The following GRIK2 variants were observed in gnomAD, a reference collection of about 807,000 sequenced individuals.
GRIK2 encodes glutamate receptor ionotropic, kainate 2.
A neutral mutation model predicts 100.3 loss-of-function variants in GRIK2; 32 were observed. The ratio of observed to expected loss-of-function variants is 0.32; its 90% CI spans 0.24 to 0.43. The LOEUF is 0.43. GRIK2 is among the 20% of genes least tolerant of loss of function. The pLI is 1.00. For missense variants in GRIK2, 843 were observed against 1,114.9 expected, an observed-to-expected ratio of 0.76 and a Z score of 3.47; for synonymous variants, 417 against 389.4, an observed-to-expected ratio of 1.07 and a Z score of -0.83.
chr6:101,984,013 CTAAG>C (rs1488259871), intron 14 of GRIK2, among the ~76,000 whole-genome samples: 2 of 151,558 alleles, frequency 1.3e-5, no homozygotes, highest in East Asian at 1.9e-4. Context: ...AAAAAGCAAA[CTAAG>C]TAATTTCACA....
At chr6:101,940,511 G>A (rs919261979) in intron 14 of GRIK2, among the ~76,000 whole-genome samples, 1 of 151,964 alleles carries the variant, frequency 6.6e-6, no homozygotes, top group East Asian at 1.9e-4. Flanking sequence ...CCATGTAATA[G>A]CTGTCACGTC....
intron 2 of GRIK2, among the ~76,000 whole-genome samples, chr6:101,593,185 A>C (rs1778756548): frequency 6.6e-6 from 1 of 151,848 alleles, no homozygotes; most frequent in South Asian, 2.1e-4. Flanking sequence ...TAGAATAGGA[A>C]GTAACTGGGG....
intron 12 of GRIK2, among the ~76,000 whole-genome samples, chr6:101,920,832 C>T (rs923677821): frequency 2.7e-5 from 4 of 149,956 alleles, no homozygotes; most frequent in Non-Finnish European, 4.4e-5. Context: ...ATCTTGAATT[C>T]CATGTTTAAA....
In GRIK2 at chr6:101,960,053, G is replaced by GTT. The variant is rs781532291; in HGVS notation, c.2085+31433_2085+31434dup. 7.2e-3 allele frequency among the ~76,000 whole-genome samples: 947 copies of GTT among 131,012 alleles called. 22 individuals are homozygous for GTT. The highest frequency in any genetic ancestry group is 0.021 in the African/African-American group (718 of 34,944). The allele number at this position is 131,012 out of a possible 152,430, so 85.9% of individuals were successfully genotyped here. On this transcript the variant is annotated intron_variant, in intron 14 of 16. Coordinates refer to ENST00000369134, the MANE Select transcript of GRIK2 (RefSeq NM_021956.5). ...TCTCAAAGCCTTTTTTTAGTGTTTT[G>GTT]TTTTTTTTTTTTTGTCTGACTTGGT...
chr6:101,790,874 A>C (rs1446888036), intron 7 of GRIK2, among the ~76,000 whole-genome samples: 2 of 151,656 alleles, frequency 1.3e-5, no homozygotes, highest in African/African-American at 2.4e-5. Context: ...GATTATTGCC[A>C]CAATTTCAGC....
At chr6:101,405,779 G>A (rs1263110406) in intron 2 of GRIK2, among the ~76,000 whole-genome samples, 1 of 152,104 alleles carries the variant, frequency 6.6e-6, no homozygotes, top group African/African-American at 2.4e-5. Context: ...AGTCACATAT[G>A]AGATTATTCA....
At chr6:102,044,429 T>C (rs1382121167) in intron 15 of GRIK2, among the ~76,000 whole-genome samples, 10 of 152,052 alleles carry the variant, frequency 6.6e-5, no homozygotes, top group Non-Finnish European at 1.5e-4. Context: ...AAAAGAGGTT[T>C]AATTGGACTT....
chr6:101,673,071 A>C (rs1175985809), intron 4 of GRIK2, among the ~76,000 whole-genome samples: 2 of 152,134 alleles, frequency 1.3e-5, no homozygotes, highest in African/African-American at 4.8e-5. Context: ...TTGACTTTTT[A>C]ATAATAGTCA....
intron 2 of GRIK2, among the ~76,000 whole-genome samples, chr6:101,480,549 T>C (rs929756934): frequency 1.3e-5 from 2 of 152,128 alleles, no homozygotes; most frequent in African/African-American, 4.8e-5. Flanking sequence ...CTTTCACCTC[T>C]GCCAAAATAT....
chr6:101,681,732 T>C (rs1271983979), intron 5 of GRIK2, among the ~76,000 whole-genome samples: 1 of 152,166 alleles, frequency 6.6e-6, no homozygotes, highest in Non-Finnish European at 1.5e-5. Flanking sequence ...GTTTTTGTAG[T>C]TAGTGGCTTT....
At chr6:101,944,424 CTATGACTCATTGCCAGTT>C (rs1308394248) in intron 14 of GRIK2, among the ~76,000 whole-genome samples, 1 of 152,098 alleles carries the variant, frequency 6.6e-6, no homozygotes, top group Non-Finnish European at 1.5e-5. Flanking sequence ...TGTGTAAGTG[CTATGACTCATTGCCAGTT>C]TGTAGAACTA....
chr6:101,395,981 C>T (rs900185097), intron 1 of GRIK2, among the ~76,000 whole-genome samples: 1 of 152,016 alleles, frequency 6.6e-6, no homozygotes, highest in African/African-American at 2.4e-5. Flanking sequence ...TATATAATTG[C>T]CTGATATCCA....
chr6:102,018,400 T>C (rs980893909), intron 14 of GRIK2, among the ~76,000 whole-genome samples: 1 of 152,090 alleles, frequency 6.6e-6, no homozygotes, highest in African/African-American at 2.4e-5. Context: ...CAATTTAGGC[T>C]CTGGTAAAAG....
chr6:101,612,165 GATGCTAGACCTGTT>G (rs531426015), intron 2 of GRIK2, among the ~76,000 whole-genome samples: 364 of 151,970 alleles, frequency 2.4e-3, no homozygotes, highest in African/African-American at 8.2e-3. Context: ...AGGCACTGAG[GATGCTAGACCTGTT>G]TCACGGTCTT....
At chr6:101,874,771 G>T (rs1019893698) in intron 11 of GRIK2, among the ~76,000 whole-genome samples, 10 of 151,768 alleles carry the variant, frequency 6.6e-5, no homozygotes, top group African/African-American at 1.2e-4. Flanking sequence ...CTTTTATTTC[G>T]TTGGGAAGTG....
At chr6:101,891,898 G>A (rs1338595475) in intron 12 of GRIK2, among the ~76,000 whole-genome samples, 1 of 152,056 alleles carries the variant, frequency 6.6e-6, no homozygotes, top group Non-Finnish European at 1.5e-5. Flanking sequence ...TTTTTATAGT[G>A]ACAGACACAG....
At chr6:101,766,950 G>T (rs746916314) in intron 7 of GRIK2, among the ~76,000 whole-genome samples, 2 of 152,022 alleles carry the variant, frequency 1.3e-5, no homozygotes, top group African/African-American at 4.8e-5. Context: ...GTGTCCAAAG[G>T]GATTGTCTTT....
intron 14 of GRIK2, among the ~76,000 whole-genome samples, chr6:101,954,776 T>G (rs1176817184): frequency 6.6e-6 from 1 of 152,156 alleles, no homozygotes; most frequent in Non-Finnish European, 1.5e-5. Flanking sequence ...TGTACACTGT[T>G]ATCTTGCTCC....
chr6:101,618,233 C>T (rs551091541), intron 2 of GRIK2, among the ~76,000 whole-genome samples: 1 of 151,348 alleles, frequency 6.6e-6, no homozygotes, highest in East Asian at 1.9e-4. Context: ...ATTGAAAATA[C>T]AATCCTTTTT....
Sources: allele counts gnomAD v4.1 joint callset (sites outside exome capture counted in the v4.1 genomes callset), GRCh38; gene constraint gnomAD v4.1.1; transcripts MANE v1.5; gene names NCBI Gene and HGNC (gene_info 2026-07-23, HGNC 2026-07-21).